Variants in PTBP3 observed in about 807,000 individuals in gnomAD.
The protein encoded by PTBP3 is polypyrimidine tract binding protein 3.
PTBP3 carries 20 observed loss-of-function variants against 58.7 expected under a neutral mutation model. The ratio of observed to expected loss-of-function variants is 0.34; its 90% CI spans 0.24 to 0.50. The LOEUF (loss-of-function observed/expected upper bound fraction) is 0.50, where lower values mean the gene tolerates loss of function less well. PTBP3 is among the 20% of genes least tolerant of loss of function. The pLI is 0.98. For missense variants in PTBP3, 509 were observed against 637.2 expected (o/e 0.80, Z 2.17); for synonymous variants, 185 against 219.8 (o/e 0.84, Z 1.40).
chr9:112,358,431 T>C, the PTBP3 span, among the ~76,000 whole-genome samples: 1 of 152,146 alleles, frequency 6.6e-6, no homozygotes, highest in Admixed American at 6.6e-5. Flanking sequence ...AAAATGATTA[T>C]CCAACCCAAA....
At chr9:112,257,615 C>T (rs1379688763) in intron 5 of PTBP3, among the ~76,000 whole-genome samples, 1 of 152,100 alleles carries the variant, frequency 6.6e-6, no homozygotes, top group African/African-American at 2.4e-5. Flanking sequence ...TTGTCAGAAA[C>T]TGAAAATGTC....
chr9:112,240,130 T>C (rs1589810601), intron 7 of PTBP3, among the ~76,000 whole-genome samples: 1 of 152,014 alleles, frequency 6.6e-6, no homozygotes, highest in African/African-American at 2.4e-5. Flanking sequence ...AGAAAAAAGA[T>C]GGTATAGGGC....
At chr9:112,228,089 A>T (rs926702926) in intron 11 of PTBP3, among the ~76,000 whole-genome samples, 9 of 152,196 alleles carry the variant, frequency 5.9e-5, no homozygotes, top group Non-Finnish European at 8.8e-5. Context: ...AAAATAAATT[A>T]AAAAAATGAA....
chr9:112,363,560 A>AC, the PTBP3 span, among the ~76,000 whole-genome samples: 316 of 95,824 alleles, frequency 3.3e-3, 1 homozygote, highest in African/African-American at 0.013. Flanking sequence ...ACACACACAC[A>AC]AAGGCTATTC....
intron 6 of PTBP3, 48 bp downstream of exon 6, chr9:112,252,630 T>C (rs1267556008): frequency 7.5e-7 from 1 of 1,340,684 alleles, no homozygotes; most frequent in East Asian, 2.3e-5. Flanking sequence ...AGAGAAGGTA[T>C]CACTGGAGTG....
chr9:112,312,418 GC>G (rs1564455479), intron 1 of PTBP3, among the ~76,000 whole-genome samples: 2 of 150,612 alleles, frequency 1.3e-5, no homozygotes, highest in African/African-American at 4.9e-5. Flanking sequence ...GATCACTTGA[GC>G]CCAGGAGATC....
intron 2 of PTBP3, among the ~76,000 whole-genome samples, chr9:112,296,667 G>T (rs186140930): frequency 6.6e-6 from 1 of 152,224 alleles, no homozygotes; most frequent in Admixed American, 6.5e-5. Context: ...TGAGACCAGG[G>T]ACCCACTGCC....
At chr9:112,373,956 C>T in the PTBP3 span, among the ~76,000 whole-genome samples, 1 of 152,194 alleles carries the variant, frequency 6.6e-6, no homozygotes, top group African/African-American at 2.4e-5. Context: ...CCTTTGCCTT[C>T]ATCAAGCAGC....
chr9:112,304,439 GATC>G (rs1370483233), intron 1 of PTBP3, among the ~76,000 whole-genome samples: 4 of 152,222 alleles, frequency 2.6e-5, no homozygotes, highest in Non-Finnish European at 4.4e-5. Context: ...GAAATGGCTG[GATC>G]ATATTTCATT....
the PTBP3 span, among the ~76,000 whole-genome samples, chr9:112,345,635 C>G: frequency 6.6e-6 from 1 of 151,842 alleles, no homozygotes; most frequent in South Asian, 2.1e-4. Context: ...CCCACATTGG[C>G]CTCCCAGAAT....
intron 7 of PTBP3, among the ~76,000 whole-genome samples, chr9:112,236,687 A>C (rs1424393803): frequency 1.3e-5 from 2 of 152,186 alleles, no homozygotes; most frequent in Non-Finnish European, 2.9e-5. Context: ...ATTTCCATGC[A>C]GTTCACACTG....
chr9:112,225,900 T>G (rs1176735564), intron 12 of PTBP3, among the ~76,000 whole-genome samples: 1 of 151,948 alleles, frequency 6.6e-6, no homozygotes, highest in Non-Finnish European at 1.5e-5. Flanking sequence ...TACAAAAAAT[T>G]AGCTGGGCAT....
the PTBP3 span, among the ~76,000 whole-genome samples, chr9:112,371,353 C>A: frequency 1.3e-5 from 2 of 152,186 alleles, no homozygotes; most frequent in African/African-American, 4.8e-5. Context: ...CATCCTTGAC[C>A]TACTACTTGC....
chr9:112,222,707 G>GA lies in PTBP3; in HGVS notation c.*1143dup, dbSNP rs1179281674. The GA allele has an allele frequency of 4.1e-6, 4 of 980,984 alleles. No individual in the cohort carries two copies. The highest frequency in any genetic ancestry group is 4.7e-5 in the South Asian group (1 of 21,202). The allele number at this position is 980,984 out of a possible 1,614,324, so 60.8% of individuals were successfully genotyped here. ...TTAAATCCTTACCAAAACAGAGAAA[G>GA]AAAAAACAAAATGCTTACCAAGCCC... On this transcript the variant is annotated 3_prime_UTR_variant, in exon 14 of 14. Transcript: ENST00000374257.
chr9:112,323,050 C>A (rs1830017012), intron 1 of PTBP3, among the ~76,000 whole-genome samples: 1 of 152,210 alleles, frequency 6.6e-6, no homozygotes, highest in South Asian at 2.1e-4. Context: ...GCATTCAACA[C>A]CAGACTCAGC....
At chr9:112,302,441 T>A (rs148930855) in intron 1 of PTBP3, among the ~76,000 whole-genome samples, 1 of 151,978 alleles carries the variant, frequency 6.6e-6, no homozygotes, top group Non-Finnish European at 1.5e-5. Context: ...ATAAAAAAAC[T>A]GGAAAGAAGA....
At chr9:112,232,040 A>AG (rs370750857) in intron 9 of PTBP3, 59 bp downstream of exon 9, 213 of 1,389,586 alleles carry the variant, frequency 1.5e-4, no homozygotes, top group Middle Eastern at 3.8e-4. Flanking sequence ...AAAGAAAGAA[A>AG]AAAGTGCTAC....
At chr9:112,258,896 A>C (rs181666747) in intron 5 of PTBP3, among the ~76,000 whole-genome samples, 2 of 152,070 alleles carry the variant, frequency 1.3e-5, no homozygotes, top group African/African-American at 4.8e-5. Flanking sequence ...CACCCAGGCC[A>C]CCATCATCTC....
chr9:112,319,621 T>A lies in PTBP3; in HGVS notation c.-52+13849A>T, dbSNP rs371635633. ...CATTATGGAAAACAGTATGGAAGTT[T>A]CTAAAAATATTAAAAATACAACTAC... On this transcript the variant is annotated intron_variant, in intron 1 of 13. Transcript: ENST00000374257. Among the ~76,000 whole-genome samples, 3 of 152,264 alleles carry A rather than the reference T, an allele frequency of 2.0e-5. No homozygotes were observed. The East Asian group carries it at 5.8e-4, about 29-fold the overall frequency.
Sources: allele counts gnomAD v4.1 joint callset (sites outside exome capture counted in the v4.1 genomes callset), GRCh38; gene constraint gnomAD v4.1.1; transcripts MANE v1.5; gene names NCBI Gene and HGNC (gene_info 2026-07-23, HGNC 2026-07-21).